ADGRG7: variants seen among roughly 807,000 people sequenced by gnomAD.
ADGRG7 encodes the protein adhesion G protein-coupled receptor G7, also known as G-protein coupled receptor 128.
Under a neutral mutation model 88.6 loss-of-function variants are expected in ADGRG7, and 82 were observed. The observed-to-expected ratio is 0.93, with a 90% CI of 0.77 to 1.11. The LOEUF (loss-of-function observed/expected upper bound fraction) is 1.11, where lower values mean the gene tolerates loss of function less well. Among genes scored for constraint, ADGRG7 ranks in the 50% most tolerant of loss-of-function variants. The pLI is 0.00. For synonymous variants in ADGRG7, 381 were observed against 345.2 expected, an observed-to-expected ratio of 1.10 and a Z score of -1.15; for missense variants, 945 against 953.4, an observed-to-expected ratio of 0.99 and a Z score of 0.12.
chr3:100,643,217 C>T (rs1257363880), intron 6 of ADGRG7, 49 bp from the exon 7 acceptor site: 1 of 1,553,412 alleles, frequency 6.4e-7, no homozygotes, highest in Non-Finnish European at 8.8e-7. Flanking sequence ...ACATACCTTT[C>T]ATTTTATGAC....
chr3:100,671,428 G>A (rs9832015), intron 15 of ADGRG7, among the ~76,000 whole-genome samples: 2 of 152,106 alleles, frequency 1.3e-5, no homozygotes, highest in African/African-American at 4.8e-5. Context: ...ATTTGTTTAA[G>A]TTCTTTGTAG....
chr3:100,683,109 AG>A (rs2094976320), intron 15 of ADGRG7, among the ~76,000 whole-genome samples: 1 of 152,172 alleles, frequency 6.6e-6, no homozygotes, highest in South Asian at 2.1e-4. Flanking sequence ...CTGCGGCTGC[AG>A]GTGTCCTCTG....
intron 15 of ADGRG7, among the ~76,000 whole-genome samples, chr3:100,686,979 C>T (rs1273557221): frequency 6.6e-6 from 1 of 152,154 alleles, no homozygotes; most frequent in African/African-American, 2.4e-5. Flanking sequence ...GCAGTATGGC[C>T]ATTTTCATGA....
chr3:100,674,307 T>A (rs1482902641), intron 15 of ADGRG7, among the ~76,000 whole-genome samples: 1 of 152,142 alleles, frequency 6.6e-6, no homozygotes. Flanking sequence ...TTTAGGAACA[T>A]TTTTTTCTTT....
intron 6 of ADGRG7, among the ~76,000 whole-genome samples, chr3:100,639,196 T>C (rs1145349): frequency 0.92 from 139,393 of 152,188 alleles, 65,113 homozygotes; most frequent in East Asian, 1. Flanking sequence ...GCATTATATG[T>C]GTAAACTTTT....
intron 15 of ADGRG7, among the ~76,000 whole-genome samples, chr3:100,677,824 T>G (rs1281360929): frequency 6.6e-6 from 1 of 152,208 alleles, no homozygotes; most frequent in Non-Finnish European, 1.5e-5. Context: ...ATTATTTGTT[T>G]ATTTTCTCTT....
At chr3:100,624,922 T>C (rs1707362342) in intron 1 of ADGRG7, among the ~76,000 whole-genome samples, 1 of 152,230 alleles carries the variant, frequency 6.6e-6, no homozygotes, top group Non-Finnish European at 1.5e-5. Flanking sequence ...AGTACCATGC[T>C]GTTTTGGTTA....
chr3:100,649,630 T>G (rs1291972608), intron 10 of ADGRG7, 65 bp from the exon 11 acceptor site: 1 of 823,506 alleles, frequency 1.2e-6, no homozygotes, highest in Non-Finnish European at 2.0e-6. Context: ...AACTCTGTGA[T>G]GTTGACTTTC....
chr3:100,645,579 G>A (rs999506229), intron 8 of ADGRG7, among the ~76,000 whole-genome samples: 5 of 152,152 alleles, frequency 3.3e-5, no homozygotes, highest in African/African-American at 1.2e-4. Flanking sequence ...GGTAACATGG[G>A]CTGGAGCTAC....
At chr3:100,689,157 T>C (rs1315529704) in intron 15 of ADGRG7, among the ~76,000 whole-genome samples, 1 of 152,200 alleles carries the variant, frequency 6.6e-6, no homozygotes, top group African/African-American at 2.4e-5. Context: ...GTTTTGATCT[T>C]TGTTGGTTTA....
intron 15 of ADGRG7, among the ~76,000 whole-genome samples, chr3:100,682,394 C>A (rs1026477667): frequency 1.3e-5 from 2 of 152,144 alleles, no homozygotes; most frequent in African/African-American, 4.8e-5. Flanking sequence ...GAGCAGTGCC[C>A]GCTTCGAGGA....
At chr3:100,665,855 G>T (rs115962456) in intron 14 of ADGRG7, among the ~76,000 whole-genome samples, 1,561 of 152,196 alleles carry the variant, frequency 0.01, 19 homozygotes, top group African/African-American at 0.036. Flanking sequence ...TCATAAATTA[G>T]CCTAGTTATA....
chr3:100,634,960 T>C (rs1707511828), intron 4 of ADGRG7, among the ~76,000 whole-genome samples: 2 of 151,894 alleles, frequency 1.3e-5, no homozygotes, highest in Admixed American at 6.6e-5. Context: ...ATAACACTGG[T>C]ATAATTTGTG....
Position 100,694,829 on chromosome 3 carries a change from T to C in ADGRG7, c.2222T>C (p.Ile741Thr), listed in dbSNP as rs1351419455. Residue 741 changes from isoleucine (I) to threonine (T), a missense_variant, in exon 16 of 16, where the codon ATT (isoleucine) becomes ACT (threonine). Coordinates refer to ENST00000273352, the MANE Select transcript of ADGRG7 (RefSeq NM_032787.3). The part of the protein sequence containing the change: ...ASKVLMLLSS[I>T]GRRKSLPSVT... ...AAAGTGTTGATGTTGCTATCGTCTA[T>C]TGGGAGAAGGAAGTCATTGCCTTCA... 3 of 1,614,178 alleles carry C rather than the reference T, an allele frequency of 1.9e-6. No homozygotes were observed. Among genetic ancestry groups the C allele is most frequent in the East Asian group, 2.2e-5 (1 of 44,882 alleles).
At position 100,643,248 on chromosome 3, in the gene ADGRG7, G is replaced by A. The variant is rs750572142; in HGVS notation, c.699-18G>A. On this transcript the variant is annotated intron_variant, in intron 6 of 15. Transcript: ENST00000273352. ...ATGACAAAATCTTGAGTATTAAATT[G>A]TGTTTTATTATATGCAGGCTTATTG... 1.9e-6 allele frequency: 3 copies of A among 1,607,072 alleles called. No individual in the cohort carries two copies. The highest frequency in any genetic ancestry group is 3.3e-4 in the Middle Eastern group (2 of 6,020).
chr3:100,688,228 C>T (rs551213822), intron 15 of ADGRG7, among the ~76,000 whole-genome samples: 40 of 152,226 alleles, frequency 2.6e-4, no homozygotes, highest in African/African-American at 8.7e-4. Context: ...GTGATGTCCC[C>T]TTTTCATTTT....
chr3:100,694,739 T>C lies in ADGRG7; in HGVS notation c.2137-5T>C, dbSNP rs1333402169. On this transcript the variant is annotated splice_region_variant and splice_polypyrimidine_tract_variant and intron_variant, in intron 15 of 15. Transcript: ENST00000273352. ...CCCAACATTAAACTTTTGTTCTATC[T>C]GCAGGGATTGCAAATTTTTATCCTG... 6.2e-7 allele frequency: 1 copy of C among 1,612,950 alleles called. No homozygotes were observed. The highest frequency in any genetic ancestry group is 1.3e-5 in the African/African-American group (1 of 74,950).
chr3:100,694,890 T>C lies in ADGRG7; in HGVS notation c.2283T>C (p.Asn761=). 1 of 1,614,176 alleles carries C rather than the reference T, an allele frequency of 6.2e-7. No individual in the cohort carries two copies. The highest frequency in any genetic ancestry group is 1.1e-5 in the South Asian group (1 of 91,088). ...TRPRLRVKMY[N]FLRSLPTLHE... ...CGAGGCTGCGTGTAAAGATGTATAA[T>C]TTCCTCAGGTCATTGCCAACCTTAC... Residue 761 remains asparagine (N), a synonymous_variant, in exon 16 of 16, where the codon AAT becomes AAC. Transcript: ENST00000273352.
chr3:100,615,598 T>G (rs760061631), intron 1 of ADGRG7, among the ~76,000 whole-genome samples: 4 of 152,182 alleles, frequency 2.6e-5, no homozygotes, highest in Non-Finnish European at 5.9e-5. Flanking sequence ...AATTGGCAAA[T>G]TACTCCTTAA....
Sources: gnomAD v4.1 joint callset for allele counts (sites outside exome capture counted in the v4.1 genomes callset) on GRCh38, gnomAD v4.1.1 for gene constraint, MANE v1.5 for transcripts, NCBI Gene and HGNC (gene_info 2026-07-23, HGNC 2026-07-21) for gene names.